Variants in EEFSEC observed in about 807,000 individuals in gnomAD.
EEFSEC encodes the protein eukaryotic elongation factor, selenocysteine-tRNA specific, also known as selenocysteine-specific elongation factor.
EEFSEC carries 43 observed loss-of-function variants against 42.1 expected under a neutral mutation model. The observed-to-expected ratio is 1.02, with a 90% CI of 0.80 to 1.32. The LOEUF (loss-of-function observed/expected upper bound fraction) is 1.32, where lower values mean the gene tolerates loss of function less well. Among genes scored for constraint, EEFSEC ranks in the 40% most tolerant of loss-of-function variants. EEFSEC has a pLI of 0.00. For synonymous variants in EEFSEC, 354 were observed against 339.1 expected (o/e 1.04, Z -0.48); for missense variants, 745 against 803.6 (o/e 0.93, Z 0.88).
intron 6 of EEFSEC, among the ~76,000 whole-genome samples, chr3:128,396,471 C>T (rs1282832641): frequency 6.6e-6 from 1 of 152,198 alleles, no homozygotes; most frequent in Admixed American, 6.5e-5. Context: ...TTTTCTGATC[C>T]TTCCTACCCC....
At chr3:128,392,058 G>A (rs937709485) in intron 6 of EEFSEC, among the ~76,000 whole-genome samples, 4 of 152,340 alleles carry the variant, frequency 2.6e-5, no homozygotes, top group East Asian at 3.9e-4. Context: ...CAGTTTGCAA[G>A]AGTGAGGTGG....
chr3:128,362,649 A>G (rs1352322372), intron 6 of EEFSEC, among the ~76,000 whole-genome samples: 1 of 152,222 alleles, frequency 6.6e-6, no homozygotes, highest in Non-Finnish European at 1.5e-5. Context: ...GGAAAGCCCC[A>G]GGCCCCTATT....
intron 6 of EEFSEC, among the ~76,000 whole-genome samples, chr3:128,358,677 C>T (rs957296453): frequency 1.3e-5 from 2 of 152,126 alleles, no homozygotes; most frequent in Admixed American, 6.5e-5. Context: ...TCTGTGGAGG[C>T]GGGAATAAGA....
At chr3:128,346,277 G>A (rs1440215616) in intron 5 of EEFSEC, among the ~76,000 whole-genome samples, 4 of 152,172 alleles carry the variant, frequency 2.6e-5, no homozygotes, top group Admixed American at 6.5e-5. Context: ...CAGCTGCTTC[G>A]ATCAAACACA....
At chr3:128,373,860 A>G (rs1040819775) in intron 6 of EEFSEC, among the ~76,000 whole-genome samples, 28 of 152,218 alleles carry the variant, frequency 1.8e-4, no homozygotes, top group African/African-American at 6.5e-4. Flanking sequence ...AAAGCTTAAA[A>G]ATCTGGGGAA....
intron 1 of EEFSEC, among the ~76,000 whole-genome samples, chr3:128,183,080 C>G (rs968845260): frequency 6.6e-6 from 1 of 152,156 alleles, no homozygotes; most frequent in Non-Finnish European, 1.5e-5. Flanking sequence ...CTTATTTAAC[C>G]TTTCTGAACT....
intron 4 of EEFSEC, among the ~76,000 whole-genome samples, chr3:128,284,309 CT>C (rs1303841936): frequency 6.6e-6 from 1 of 152,248 alleles, no homozygotes; most frequent in Non-Finnish European, 1.5e-5. Context: ...ATAATTCCAT[CT>C]TTTCTTGACG....
intron 6 of EEFSEC, among the ~76,000 whole-genome samples, chr3:128,403,158 C>T (rs530553624): frequency 6.6e-6 from 1 of 152,270 alleles, no homozygotes; most frequent in East Asian, 1.9e-4. Flanking sequence ...CCGGAGCTCC[C>T]AAGTCCACAG....
At chr3:128,340,400 CATGT>C (rs1166177192) in intron 4 of EEFSEC, among the ~76,000 whole-genome samples, 4 of 149,758 alleles carry the variant, frequency 2.7e-5, no homozygotes, top group Non-Finnish European at 5.9e-5. Context: ...TATTTGCATG[CATGT>C]AATTTATATA....
At chr3:128,262,271 C>A (rs1414300050) in intron 3 of EEFSEC, 47 bp downstream of exon 3, 2 of 1,536,274 alleles carry the variant, frequency 1.3e-6, no homozygotes, top group South Asian at 1.1e-5. Context: ...CAGCGCTGCT[C>A]AGGCCAGCCC....
rs770274023 is a variant in EEFSEC, at chr3:128,341,881, G to A, written c.1435G>A (p.Val479Met). ...CAAGCTGAAGCACAAGCATGGCCTT[G>A]TGGAGCGGGTGAGCATGCCCTTGCC... Reference protein sequence around the residue: ...VYKLKHKHGLVERAMDDYSVI... With the variant: ...VYKLKHKHGLMERAMDDYSVI... Residue 479 changes from valine to methionine, a missense_variant, in exon 5 of 7, where the codon GTG becomes ATG. Coordinates refer to ENST00000254730, the MANE Select transcript of EEFSEC (RefSeq NM_021937.5). The A allele has an allele frequency of 3.1e-6, 5 of 1,612,394 alleles. No individual in the cohort carries two copies. In the East Asian group the frequency reaches 1.1e-4, roughly 36 times the overall value.
chr3:128,242,780 G>T (rs2066085565), intron 1 of EEFSEC, among the ~76,000 whole-genome samples: 1 of 152,072 alleles, frequency 6.6e-6, no homozygotes, highest in African/African-American at 2.4e-5. Flanking sequence ...ATCTTTTAAG[G>T]ATACTATAGT....
chr3:128,294,138 G>T (rs557643389), intron 4 of EEFSEC, among the ~76,000 whole-genome samples: 17 of 152,300 alleles, frequency 1.1e-4, no homozygotes, highest in East Asian at 1.9e-4. Flanking sequence ...GCTCTTGCAG[G>T]GGTATTGTGG....
chr3:128,351,178 A>G (rs1445033942), intron 5 of EEFSEC, among the ~76,000 whole-genome samples: 2 of 152,156 alleles, frequency 1.3e-5, no homozygotes, highest in Non-Finnish European at 2.9e-5. Flanking sequence ...TGTTGAGTAC[A>G]TGTTCTGTTC....
intron 1 of EEFSEC, among the ~76,000 whole-genome samples, chr3:128,175,317 T>C (rs1193210245): frequency 1.3e-5 from 2 of 152,206 alleles, no homozygotes; most frequent in African/African-American, 2.4e-5. Context: ...TCCTGTTGCT[T>C]TCTAAGGGAG....
At chr3:128,417,687 G>A in the EEFSEC span, among the ~76,000 whole-genome samples, 5 of 152,092 alleles carry the variant, frequency 3.3e-5, no homozygotes, top group Non-Finnish European at 5.9e-5. This position sits in a 1 kb window ranked among gnomAD's most constrained non-coding sequence, Gnocchi z 4.3. Context: ...AGGAGCACTC[G>A]GGCCAGTGGG....
intron 1 of EEFSEC, among the ~76,000 whole-genome samples, chr3:128,201,384 G>GAA (rs968585524): frequency 1.4e-5 from 2 of 139,030 alleles, no homozygotes. Flanking sequence ...GTGTGCTTAA[G>GAA]AAAAAAAAAA....
intron 4 of EEFSEC, among the ~76,000 whole-genome samples, chr3:128,291,265 G>A (rs1486818329): frequency 6.6e-6 from 1 of 152,026 alleles, no homozygotes; most frequent in East Asian, 1.9e-4. Flanking sequence ...AGCACATGTT[G>A]CTGTCTATGG....
intron 4 of EEFSEC, among the ~76,000 whole-genome samples, chr3:128,299,287 T>C (rs895596397): frequency 3.3e-5 from 5 of 152,152 alleles, no homozygotes; most frequent in Non-Finnish European, 7.4e-5. Flanking sequence ...TGGTAACTCA[T>C]TGTCGTTTGG....
Sources: allele counts gnomAD v4.1 joint callset (sites outside exome capture counted in the v4.1 genomes callset), GRCh38; gene constraint gnomAD v4.1.1; non-coding constraint Gnocchi (gnomAD v3.1); transcripts MANE v1.5; gene names NCBI Gene and HGNC (gene_info 2026-07-23, HGNC 2026-07-21).